FAHD1: variants seen among roughly 807,000 people sequenced by gnomAD.
FAHD1 encodes the protein oxaloacetate tautomerase FAHD1, mitochondrial.
A neutral mutation model predicts 12.7 loss-of-function variants in FAHD1; 14 were observed. The observed-to-expected ratio is 1.10, with a 90% CI of 0.73 to 1.72. The LOEUF (loss-of-function observed/expected upper bound fraction) is 1.72. FAHD1 is among the 40% of genes most tolerant of loss of function. FAHD1 has a pLI of 0.00. For missense variants in FAHD1, 351 were observed against 298.9 expected (o/e 1.17, Z -1.29); for synonymous variants, 153 against 124.9 (o/e 1.22, Z -1.50).
At chr16:1,829,856 TTTTC>T (rs941449117), downstream of FAHD1, among the ~76,000 whole-genome samples, 22 of 146,980 alleles carry the variant, frequency 1.5e-4, no homozygotes, top group East Asian at 4.0e-4. Flanking sequence ...ATTTTCTTTT[TTTTC>T]TTTCTTTCTT....
downstream of FAHD1, among the ~76,000 whole-genome samples, chr16:1,830,153 G>A (rs536966487): frequency 1.5e-4 from 23 of 152,318 alleles, no homozygotes; most frequent in Admixed American, 2.6e-4. Context: ...ATGAGCCACC[G>A]TGCCCAGCTA....
At chr16:1,837,781 AACTT>A in intron 1 of FAHD1, 1 of 1,453,896 alleles carries the variant, frequency 6.9e-7, no homozygotes, top group Non-Finnish European at 9.4e-7. Flanking sequence ...AAAATGCACT[AACTT>A]TTAAATAAAT....
intron 1 of FAHD1, chr16:1,834,416 C>T (rs1898684368): frequency 2.0e-6 from 2 of 982,176 alleles, no homozygotes; most frequent in Non-Finnish European, 1.6e-6. Flanking sequence ...TTAAAATCCC[C>T]TTGTATATCA....
exon 1 of FAHD1, chr16:1,828,614 G>A (rs1898560494): frequency 1.0e-6 from 1 of 997,162 alleles, no homozygotes; most frequent in Non-Finnish European, 1.2e-6. Flanking sequence ...TCATCAGGAA[G>A]CATTTGTAAA....
At chr16:1,832,031 A>G (rs1220785392), downstream of FAHD1, among the ~76,000 whole-genome samples, 1 of 152,086 alleles carries the variant, frequency 6.6e-6, no homozygotes, top group Non-Finnish European at 1.5e-5. Context: ...AAGTGAAATC[A>G]ATGAAATGGT....
chr16:1,839,723 G>T, exon 3 of FAHD1: 1 of 325,290 alleles, frequency 3.1e-6, no homozygotes, highest in South Asian at 4.5e-5. Flanking sequence ...TTTCCTTGCT[G>T]GGGCCCTCCC....
At chr16:1,830,915 T>TACACACACACACACACACAC (rs1555470121), downstream of FAHD1, among the ~76,000 whole-genome samples, 5 of 37,528 alleles carry the variant, frequency 1.3e-4, no homozygotes, top group African/African-American at 4.1e-4. Context: ...TCTCTCTCTC[T>TACACACACACACACACACAC]ATACACACAC....
downstream of FAHD1, among the ~76,000 whole-genome samples, chr16:1,831,027 TCTC>T (rs1314505235): frequency 6.6e-6 from 1 of 151,974 alleles, no homozygotes; most frequent in Non-Finnish European, 1.5e-5. Flanking sequence ...ATCAGGATAT[TCTC>T]CTACATGGAA....
downstream of FAHD1, among the ~76,000 whole-genome samples, chr16:1,831,156 A>T (rs1898615261): frequency 6.6e-6 from 1 of 152,184 alleles, no homozygotes; most frequent in Non-Finnish European, 1.5e-5. Flanking sequence ...TTGGCCTTTT[A>T]TAAAAAAATG....
At chr16:1,833,937 C>T (rs894218458) in intron 1 of FAHD1, 1 of 194,454 alleles carries the variant, frequency 5.1e-6, no homozygotes, top group African/African-American at 2.3e-5. Context: ...AAGAAACTCA[C>T]TCAAAGCCGT....
exon 1 of FAHD1, chr16:1,827,342 T>A (rs1045424436): frequency 6.2e-7 from 1 of 1,613,074 alleles, no homozygotes; most frequent in African/African-American, 1.3e-5. Flanking sequence ...CGCAGCGCGG[T>A]GTTGAGCGAG....
downstream of FAHD1, among the ~76,000 whole-genome samples, chr16:1,831,054 C>G (rs1425915912): frequency 6.6e-6 from 1 of 152,162 alleles, no homozygotes; most frequent in Non-Finnish European, 1.5e-5. Flanking sequence ...AGACCATTAT[C>G]ACGCTTAAGA....
intron 1 of FAHD1, chr16:1,834,402 A>C (rs1898683991): frequency 8.8e-7 from 1 of 1,140,740 alleles, no homozygotes; most frequent in Non-Finnish European, 1.3e-6. Context: ...CAAAAGGTTA[A>C]TTTTTAAAAT....
rs201663677 is a variant in FAHD1, at chr16:1,827,222, G to T, written c.-17G>T. On this transcript the variant is annotated 5_prime_UTR_variant, in exon 1 of 1. Coordinates refer to ENST00000427358, the Ensembl canonical transcript of FAHD1. ...CCGGCCCAGCCCACGTGACTACAGG[G>T]GCACTTGATGGGAATCATGGCAGCA... The T allele has an allele frequency of 1.4e-4, 224 of 1,594,690 alleles. 1 individual carries two copies. Among genetic ancestry groups the T allele is most frequent in the Middle Eastern group, 1.7e-4 (1 of 6,022 alleles).
At chr16:1,837,705 TTATC>T (rs886333190) in intron 1 of FAHD1, 37 of 735,120 alleles carry the variant, frequency 5.0e-5, no homozygotes, top group Non-Finnish European at 4.3e-6. Context: ...ATTCTCGAAT[TTATC>T]TAGGTTTTTC....
At chr16:1,832,178 CT>C (rs57889123), downstream of FAHD1, among the ~76,000 whole-genome samples, 1,520 of 108,818 alleles carry the variant, frequency 0.014, 53 homozygotes, top group African/African-American at 0.048. Context: ...TATGGTCATT[CT>C]TTTTTTTTTT....
chr16:1,830,937 C>CACACAG (rs1567269159), downstream of FAHD1, among the ~76,000 whole-genome samples: 1 of 116,396 alleles, frequency 8.6e-6, no homozygotes, highest in East Asian at 2.4e-4. Context: ...CACACACACA[C>CACACAG]ACACACACCC....
exon 1 of FAHD1, chr16:1,827,903 G>A (rs150008635): frequency 6.3e-5 from 102 of 1,610,396 alleles, no homozygotes; most frequent in Non-Finnish European, 7.9e-5. Context: ...CCAGAATATT[G>A]AGTTATTTCT....
chr16:1,830,091 G>C (rs1337117415), downstream of FAHD1, among the ~76,000 whole-genome samples: 1 of 152,342 alleles, frequency 6.6e-6, no homozygotes, highest in East Asian at 1.9e-4. Flanking sequence ...TCGAACTCCT[G>C]ACCTCAAGTG....
Sources: gnomAD v4.1 joint callset for allele counts (sites outside exome capture counted in the v4.1 genomes callset) on GRCh38, gnomAD v4.1.1 for gene constraint, MANE v1.5 for transcripts, NCBI Gene and HGNC (gene_info 2026-07-23, HGNC 2026-07-21) for gene names.